NDUFA8: variants seen among roughly 807,000 people sequenced by gnomAD.
The protein encoded by NDUFA8 is NADH dehydrogenase [ubiquinone] 1 alpha subcomplex subunit 8.
Under a neutral mutation model 20.9 loss-of-function variants are expected in NDUFA8, and 16 were observed. The ratio of observed to expected loss-of-function variants is 0.77; its 90% CI spans 0.52 to 1.16. NDUFA8 has a LOEUF of 1.16. Among genes scored for constraint, NDUFA8 ranks in the 50% most tolerant of loss-of-function variants. The pLI is 0.00. For synonymous variants in NDUFA8, 70 were observed against 76.1 expected (o/e 0.92, Z 0.41); for missense variants, 202 against 216.4 (o/e 0.93, Z 0.42).
downstream of NDUFA8, among the ~76,000 whole-genome samples, chr9:122,139,152 T>A (rs1444542612): frequency 6.6e-6 from 1 of 152,180 alleles, no homozygotes; most frequent in African/African-American, 2.4e-5. Flanking sequence ...GGCAGACGAG[T>A]TTCCTCTCTG....
the NDUFA8 span, among the ~76,000 whole-genome samples, chr9:122,137,903 T>C: frequency 6.6e-6 from 1 of 152,306 alleles, no homozygotes; most frequent in Admixed American, 6.5e-5. Context: ...GAGCCCAGCA[T>C]AGCAGCCCAG....
intron 1 of NDUFA8, among the ~76,000 whole-genome samples, chr9:122,153,723 C>G (rs1355042485): frequency 3.9e-5 from 6 of 152,184 alleles, no homozygotes; most frequent in Non-Finnish European, 1.5e-5. Flanking sequence ...GGAGAACCAT[C>G]CTCCTCATTC....
intron 2 of NDUFA8, among the ~76,000 whole-genome samples, chr9:122,151,671 C>G (rs1402085926): frequency 1.3e-5 from 2 of 152,232 alleles, no homozygotes; most frequent in Admixed American, 6.5e-5. Context: ...GATGCCAGGC[C>G]TATTTCTGGA....
chr9:122,139,508 T>C (rs1828790491), downstream of NDUFA8, among the ~76,000 whole-genome samples: 1 of 152,206 alleles, frequency 6.6e-6, no homozygotes, highest in Non-Finnish European at 1.5e-5. Flanking sequence ...TCACTACCCA[T>C]GTCTAGAAAG....
chr9:122,139,144 C>T (rs1251839389), downstream of NDUFA8, among the ~76,000 whole-genome samples: 1 of 152,218 alleles, frequency 6.6e-6, no homozygotes, highest in African/African-American at 2.4e-5. Flanking sequence ...ACATTCCAGG[C>T]AGACGAGTTT....
Position 122,152,366 on chromosome 9 carries a change from A to C in NDUFA8, c.94T>G (p.Tyr32Asp), listed in dbSNP as rs780113610. The change falls in exon 2 of 4, where the codon TAT (tyrosine) becomes GAT (aspartate). Residue 32 changes from tyrosine to aspartate, a missense_variant. By Grantham distance (160) the Tyr-to-Asp change is radical. Coordinates refer to ENST00000373768, the MANE Select transcript of NDUFA8 (RefSeq NM_014222.3). ...TTGGGCTTATCACATTGAGCTCCAT[A>C]GTGATGGGCCGCAGCTTTAAGCACA... ...SAVLKAAAHH[Y>D]GAQCDKPNKE... 1 of 1,614,102 alleles carries C rather than the reference A, an allele frequency of 6.2e-7. No individual in the cohort carries two copies. Among genetic ancestry groups the C allele is most frequent in the South Asian group, 1.1e-5 (1 of 91,072 alleles).
At chr9:122,150,889 T>C (rs1208147104) in intron 2 of NDUFA8, among the ~76,000 whole-genome samples, 1 of 148,584 alleles carries the variant, frequency 6.7e-6, no homozygotes, top group Non-Finnish European at 1.5e-5. Flanking sequence ...TGTGACTCGC[T>C]TGAAGCCAGG....
intron 1 of NDUFA8, 131 bp downstream of exon 1, chr9:122,159,496 C>G: frequency 9.0e-7 from 1 of 1,108,228 alleles, no homozygotes; most frequent in South Asian, 1.2e-5. Flanking sequence ...CGGGGGTCGA[C>G]CTGTATATGC....
At chr9:122,151,963 C>CT (rs1170958062) in intron 2 of NDUFA8, among the ~76,000 whole-genome samples, 1 of 152,186 alleles carries the variant, frequency 6.6e-6, no homozygotes, top group African/African-American at 2.4e-5. Context: ...AGCAAAAAGA[C>CT]TTTCCCCTTG....
chr9:122,152,388 CA>C lies in NDUFA8; in HGVS notation c.71del (p.Val24GlyfsTer34). On this transcript the variant is annotated frameshift_variant, in exon 2 of 4. Transcript: ENST00000373768. LOFTEE classifies it high-confidence loss of function. ...CATAGTGATGGGCCGCAGCTTTAAG[CA>C]CAGCAGAACTAATTTTCACCTAGGA... ...KVDEVKISSA[V>X]LKAAAHHYGA... 6.2e-7 allele frequency: 1 copy of C among 1,614,080 alleles called. No individual in the cohort carries two copies. The highest frequency in any genetic ancestry group is 8.5e-7 in the Non-Finnish European group (1 of 1,180,000).
chr9:122,137,268 T>C, the NDUFA8 span, among the ~76,000 whole-genome samples: 1 of 108,806 alleles, frequency 9.2e-6, no homozygotes, highest in Non-Finnish European at 1.8e-5. Flanking sequence ...TGAGACAGAG[T>C]CTCACTCTGT....
At chr9:122,148,301 G>C in intron 2 of NDUFA8, 24 bp from the exon 3 acceptor site, 1 of 1,613,426 alleles carries the variant, frequency 6.2e-7, no homozygotes, top group Non-Finnish European at 8.5e-7. Flanking sequence ...CTGGGTTAGG[G>C]GCATCTCTTT....
chr9:122,149,763 G>A (rs1292646971), intron 2 of NDUFA8, among the ~76,000 whole-genome samples: 1 of 152,102 alleles, frequency 6.6e-6, no homozygotes, highest in Non-Finnish European at 1.5e-5. Context: ...TTCAAGACCA[G>A]CCTGGCCAAC....
chr9:122,159,022 G>C (rs1829129768), intron 1 of NDUFA8, among the ~76,000 whole-genome samples: 1 of 152,076 alleles, frequency 6.6e-6, no homozygotes, highest in Non-Finnish European at 1.5e-5. Flanking sequence ...GGATTGTAAA[G>C]TCCATGAAAG....
the NDUFA8 span, among the ~76,000 whole-genome samples, chr9:122,138,712 C>T: frequency 7.2e-5 from 11 of 151,902 alleles, no homozygotes; most frequent in Admixed American, 7.2e-4. Context: ...TTCTTGCTCT[C>T]AAGGAGTGTT....
At chr9:122,134,914 C>T in the NDUFA8 span, among the ~76,000 whole-genome samples, 5 of 152,348 alleles carry the variant, frequency 3.3e-5, no homozygotes, top group South Asian at 6.2e-4. Context: ...TGCCTGCTGA[C>T]GTCACCAGCA....
downstream of NDUFA8, among the ~76,000 whole-genome samples, chr9:122,140,204 T>G (rs992809033): frequency 1.9e-4 from 29 of 152,264 alleles, no homozygotes; most frequent in African/African-American, 7.0e-4. Context: ...GTCTCTGGAA[T>G]CTGTCTTATT....
chr9:122,145,327 C>T (rs1318697136), intron 3 of NDUFA8, among the ~76,000 whole-genome samples: 3 of 152,116 alleles, frequency 2.0e-5, no homozygotes, highest in Non-Finnish European at 2.9e-5. Context: ...TACTAAACTG[C>T]AACAGGGAGA....
chr9:122,159,667 A>G lies in NDUFA8; in HGVS notation c.11T>C (p.Ile4Thr). MPG[I>T]VELPTLEELK... Reference sequence around the variant, plus strand: ...CTCCTCTAGAGTGGGCAGCTCCACTATCCCCGGCATGACGGCTGCAGCCCC... The same window carrying G: ...CTCCTCTAGAGTGGGCAGCTCCACTGTCCCCGGCATGACGGCTGCAGCCCC... The change falls in exon 1 of 4, where the codon ATA becomes ACA. Residue 4 changes from isoleucine (I) to threonine (T), a missense_variant. Physicochemically the swap from Ile to Thr is moderately conservative, Grantham distance 89. Coordinates refer to ENST00000373768, the MANE Select transcript of NDUFA8 (RefSeq NM_014222.3). 1.2e-6 allele frequency: 2 copies of G among 1,614,116 alleles called. No homozygotes were observed. Among genetic ancestry groups the G allele is most frequent in the Non-Finnish European group, 1.7e-6 (2 of 1,179,980 alleles).
Sources: gnomAD v4.1 joint callset for allele counts (sites outside exome capture counted in the v4.1 genomes callset) on GRCh38, gnomAD v4.1.1 for gene constraint, MANE v1.5 for transcripts, NCBI Gene and HGNC (gene_info 2026-07-23, HGNC 2026-07-21) for gene names.